CD320: variants seen among roughly 807,000 people sequenced by gnomAD.
The protein encoded by CD320 is CD320 antigen.
CD320 carries 16 observed loss-of-function variants against 22.1 expected under a neutral mutation model. The ratio of observed to expected loss-of-function variants is 0.73; its 90% CI spans 0.49 to 1.10. The LOEUF is 1.10. Ranked by LOEUF, CD320 falls within the 50% of genes least tolerant of loss-of-function variation. CD320 has a pLI of 0.00. For missense variants in CD320, 388 were observed against 376.9 expected, an observed-to-expected ratio of 1.03 and a Z score of -0.24; for synonymous variants, 188 against 167.8, an observed-to-expected ratio of 1.12 and a Z score of -0.93.
In CD320 at chr19:8,308,266, C is replaced by A. The variant is rs978480689; in HGVS notation, c.25G>T (p.Val9Phe). The change falls in exon 1 of 5, where the codon GTT becomes TTT. Residue 9 changes from valine to phenylalanine, a missense_variant. Physicochemically the swap from Val to Phe is conservative, Grantham distance 50. Coordinates refer to ENST00000301458, the MANE Select transcript of CD320 (RefSeq NM_016579.4). MSGGWMAQVGAWRTGALGL... is the reference protein window; with the variant it reads MSGGWMAQFGAWRTGALGL... ...AGAGCCCCTGTTCGCCACGCTCCAA[C>A]CTGCGCCATCCAACCGCCGCTCATG... 19 of 1,583,202 alleles carry A rather than the reference C, an allele frequency of 1.2e-5. No homozygotes were observed. The highest frequency in any genetic ancestry group is 1.5e-5 in the Non-Finnish European group (18 of 1,170,708).
intron 2 of CD320, 104 bp downstream of exon 2, chr19:8,304,927 G>A (rs1475417071): frequency 7.9e-6 from 11 of 1,383,848 alleles, no homozygotes; most frequent in South Asian, 7.0e-5. Flanking sequence ...CCATCCCTGC[G>A]GCCCTGCCTT....
intron 1 of CD320, among the ~76,000 whole-genome samples, chr19:8,307,233 A>C (rs1031341887): frequency 2.0e-5 from 3 of 151,292 alleles, no homozygotes; most frequent in African/African-American, 7.3e-5. Context: ...CGGAGGGTGC[A>C]GTGAGCCAAC....
rs760525156 is a variant in CD320, at chr19:8,302,291, G to A, written c.*172C>T. 3.8e-5 allele frequency: 31 copies of A among 812,930 alleles called. No individual in the cohort carries two copies. Among genetic ancestry groups the A allele is most frequent in the East Asian group, 1.5e-4 (6 of 39,340 alleles). 50.4% of individuals were successfully genotyped at this position (812,930 alleles called of 1,614,324 possible). A position where few individuals can be genotyped will look rare whatever the true frequency, so the allele number is the denominator to read the frequency against. Reference sequence around the variant, plus strand: ...CCGGATCTCCATAGGGAGTGTCCAGGGACCCTCAATCTCCAGGGCCACTTC... The same window carrying A: ...CCGGATCTCCATAGGGAGTGTCCAGAGACCCTCAATCTCCAGGGCCACTTC... On this transcript the variant is annotated 3_prime_UTR_variant, in exon 5 of 5. Transcript: ENST00000301458.
At position 8,303,982 on chromosome 19, in the gene CD320, G is replaced by A. The variant is rs1299429504; in HGVS notation, c.375C>T (p.Arg125=). The A allele has an allele frequency of 6.3e-7, 1 of 1,576,818 alleles. No individual in the cohort carries two copies. The change falls in exon 3 of 5, where the codon CGC becomes CGT. Residue 125 remains arginine, a synonymous_variant. Coordinates refer to ENST00000301458, the MANE Select transcript of CD320 (RefSeq NM_016579.4). ...CTAGGCAGGCCAGGCGGCTGCAGTT[G>A]CGCAGTTTCTTGTCAGTTCCCCCAG... ...DCSGGTDKKL[R]NCSRLACLAG...
chr19:8,307,610 C>A (rs1214993977), intron 1 of CD320, among the ~76,000 whole-genome samples: 3 of 152,170 alleles, frequency 2.0e-5, no homozygotes, highest in African/African-American at 7.2e-5. Flanking sequence ...GTATATTCAA[C>A]TTGTGACCCC....
chr19:8,303,074 A>G lies in CD320; in HGVS notation c.503-94T>C, dbSNP rs1488177510. 3 of 1,023,406 alleles carry G rather than the reference A, an allele frequency of 2.9e-6. No individual in the cohort carries two copies. The Admixed American group carries it at 5.9e-5, about 20-fold the overall frequency. 63.4% of individuals were successfully genotyped at this position (1,023,406 alleles called of 1,614,324 possible). A position where few individuals can be genotyped will look rare whatever the true frequency, so the allele number is the denominator to read the frequency against. On this transcript the variant is annotated intron_variant, in intron 3 of 4. Coordinates refer to ENST00000301458, the MANE Select transcript of CD320 (RefSeq NM_016579.4). ...GGGGAGCCCTTGGGGTTTATCCTCAACCAACCAGGCTGGGTGAAGCTGACT... is the reference window on the plus strand; with the variant it reads ...GGGGAGCCCTTGGGGTTTATCCTCAGCCAACCAGGCTGGGTGAAGCTGACT...
intron 3 of CD320, among the ~76,000 whole-genome samples, chr19:8,303,588 T>C (rs1970041737): frequency 6.6e-6 from 1 of 152,104 alleles, no homozygotes; most frequent in Non-Finnish European, 1.5e-5. Context: ...AATTTTTTTG[T>C]ACTTTTAGTA....
rs369854642 is a variant in CD320 at position 8,308,286 on chromosome 19, C to T, written c.5G>A (p.Ser2Asn). 2.0e-5 allele frequency: 31 copies of T among 1,587,670 alleles called. No individual in the cohort carries two copies. Among genetic ancestry groups the T allele is most frequent in the Middle Eastern group, 3.3e-4 (2 of 6,012 alleles). Reference sequence around the variant, plus strand: ...TCCAACCTGCGCCATCCAACCGCCGCTCATGCTGTCCCCACAGCGGCGCCG... The same window carrying T: ...TCCAACCTGCGCCATCCAACCGCCGTTCATGCTGTCCCCACAGCGGCGCCG... MSGGWMAQVGAW... is the reference protein window; with the variant it reads MNGGWMAQVGAW... The change falls in exon 1 of 5, where the codon AGC becomes AAC. Residue 2 changes from serine to asparagine, a missense_variant. Transcript: ENST00000301458.
chr19:8,305,327 A>G, intron 1 of CD320, 171 bp from the exon 2 acceptor site: 1 of 746,404 alleles, frequency 1.3e-6, no homozygotes, highest in Non-Finnish European at 2.2e-6. Flanking sequence ...TTCAGAGTGT[A>G]GCAGTTCCTG....
intron 1 of CD320, 55 bp downstream of exon 1, chr19:8,308,094 C>G: frequency 7.1e-7 from 1 of 1,412,460 alleles, no homozygotes; most frequent in Non-Finnish European, 9.2e-7. Context: ...CGGTGCGCGG[C>G]GGCGGGGCGA....
At chr19:8,305,854 G>A (rs1049393895) in intron 1 of CD320, 2 of 152,312 alleles carry the variant, frequency 1.3e-5, no homozygotes, top group African/African-American at 4.8e-5. Flanking sequence ...TGAGGGACGG[G>A]CCATTTTTCC....
At position 8,302,564 on chromosome 19, in the gene CD320, A is replaced by G. The variant is rs959422690; in HGVS notation, c.748T>C (p.Leu250=). 1.2e-6 allele frequency: 2 copies of G among 1,613,832 alleles called. No homozygotes were observed. The highest frequency in any genetic ancestry group is 2.7e-5 in the African/African-American group (2 of 74,900). The change falls in exon 5 of 5, where the codon TTG becomes CTG. Residue 250 remains leucine, a synonymous_variant. Transcript: ENST00000301458. The part of the protein sequence containing the change: ...ASLVTATLLL[L]SWLRAQERLR... ...CGCTCCTGGGCTCGGAGCCAGGACA[A>G]AAGGAGGAGGGTGGCGGTGACCAGG...
chr19:8,303,380 G>A (rs1970038444), intron 3 of CD320, among the ~76,000 whole-genome samples: 1 of 152,102 alleles, frequency 6.6e-6, no homozygotes, highest in Admixed American at 6.6e-5. Flanking sequence ...GCCTCCCAAA[G>A]TGCTAGGATT....
At chr19:8,307,282 C>CA (rs140780600) in intron 1 of CD320, among the ~76,000 whole-genome samples, 3,528 of 112,164 alleles carry the variant, frequency 0.031, 122 homozygotes, top group African/African-American at 0.085. Flanking sequence ...GAGGGAGACT[C>CA]AAAAAAAAAA....
Position 8,304,069 on chromosome 19 carries a change from C to T in CD320, c.288G>A (p.Gln96=), listed in dbSNP as rs148700927. 2.5e-5 allele frequency: 39 copies of T among 1,535,284 alleles called. No individual in the cohort carries two copies. The highest frequency in any genetic ancestry group is 3.1e-5 in the Non-Finnish European group (35 of 1,131,182). ...EEECRIEPCT[Q]KGQCPPPPGL... ...CAGGGGGCGGTGGGCATTGCCCTTT[C>T]TGGGTACATGGCTCAATCCCTGGGG... Residue 96 remains glutamine, a synonymous_variant, in exon 3 of 5, where the codon CAG becomes CAA. Transcript: ENST00000301458.
intron 3 of CD320, 141 bp downstream of exon 3, chr19:8,303,714 C>A (rs1363422761): frequency 1.5e-6 from 1 of 667,600 alleles, no homozygotes; most frequent in East Asian, 2.7e-5. Context: ...CGGGCCCGGC[C>A]CCTAATGATG....
intron 2 of CD320, 133 bp downstream of exon 2, chr19:8,304,898 C>G: frequency 4.8e-6 from 5 of 1,047,464 alleles, no homozygotes; most frequent in Non-Finnish European, 5.7e-6. Flanking sequence ...TTCTTATGAC[C>G]CACAGACCCA....
At position 8,305,012 on chromosome 19, in the gene CD320, A is replaced by C. The variant is rs2232780; in HGVS notation, c.268+19T>G. The C allele has an allele frequency of 0.05, 80,861 of 1,602,102 alleles. 4,831 individuals are homozygous for C. Among genetic ancestry groups the C allele is most frequent in the African/African-American group, 0.31 (23,027 of 74,932 alleles). ...GGCCCCGCCCCCTGTAAGCCCCGCCAAGGGGCGTGGCCACTCACTGCACTC... is the reference window on the plus strand; with the variant it reads ...GGCCCCGCCCCCTGTAAGCCCCGCCCAGGGGCGTGGCCACTCACTGCACTC... On this transcript the variant is annotated intron_variant, in intron 2 of 4. Transcript: ENST00000301458.
At chr19:8,304,993 G>GC (rs770916540) in intron 2 of CD320, 38 bp downstream of exon 2, 3 of 1,597,050 alleles carry the variant, frequency 1.9e-6, no homozygotes, top group East Asian at 4.5e-5. Flanking sequence ...CTCAGGCCCC[G>GC]CCCCCTGTAA....
Sources: allele counts gnomAD v4.1 joint callset (sites outside exome capture counted in the v4.1 genomes callset), GRCh38; gene constraint gnomAD v4.1.1; transcripts MANE v1.5; gene names NCBI Gene and HGNC (gene_info 2026-07-23, HGNC 2026-07-21).